Variants in USP47 observed in about 807,000 individuals in gnomAD.
The protein encoded by USP47 is ubiquitin specific peptidase 47.
Under a neutral mutation model 165.1 loss-of-function variants are expected in USP47, and 35 were observed. The observed-to-expected ratio is 0.21, with a 90% CI of 0.16 to 0.28. The LOEUF (loss-of-function observed/expected upper bound fraction) is 0.28. USP47 is among the 10% of genes least tolerant of loss of function. The probability of loss-of-function intolerance (pLI) is 1.00; values close to 1 mark genes in which losing one functional copy is unlikely to be tolerated. For missense variants in USP47, 1,277 were observed against 1,607.4 expected, an observed-to-expected ratio of 0.79 and a Z score of 3.52; for synonymous variants, 531 against 544.5, an observed-to-expected ratio of 0.98 and a Z score of 0.35.
intron 1 of USP47, chr11:11,878,489 T>C (rs1850623018): frequency 6.6e-6 from 1 of 152,192 alleles, no homozygotes; most frequent in South Asian, 2.1e-4. Flanking sequence ...TTTTATGTTT[T>C]TTAGTTTAGG....
At position 11,930,770 on chromosome 11, in the gene USP47, A is replaced by AT. The variant is rs1290539560; in HGVS notation, c.1651+22dup. 1 of 1,591,096 alleles carries AT rather than the reference A, an allele frequency of 6.3e-7. No individual in the cohort carries two copies. The highest frequency in any genetic ancestry group is 1.4e-5 in the African/African-American group (1 of 73,790). ...AATGCAAGTATGTTTACCTACAGTT[A>AT]TTTGATTTTAATTTGTGTTATAAAC... On this transcript the variant is annotated intron_variant, in intron 14 of 27. Coordinates refer to ENST00000527733, the MANE Select transcript of USP47 (RefSeq NM_001282659.2).
chr11:11,860,747 G>A, intron 1 of USP47, among the ~76,000 whole-genome samples: 1 of 152,110 alleles, frequency 6.6e-6, no homozygotes. Flanking sequence ...AATAGTAAAG[G>A]ACGTATTATT....
intron 1 of USP47, among the ~76,000 whole-genome samples, chr11:11,854,134 C>CA (rs539855427): frequency 0.15 from 9,025 of 58,906 alleles, 867 homozygotes; most frequent in African/African-American, 0.28. Flanking sequence ...GACTCCGTCT[C>CA]AAAAAAAAAA....
chr11:11,861,148 A>G (rs569879291), intron 1 of USP47, among the ~76,000 whole-genome samples: 6 of 152,036 alleles, frequency 3.9e-5, no homozygotes, highest in Non-Finnish European at 7.4e-5. Context: ...AAGCTGGAGT[A>G]TAGTGACACG....
intron 1 of USP47, among the ~76,000 whole-genome samples, chr11:11,847,623 C>T (rs1429279305): frequency 1.3e-5 from 2 of 152,066 alleles, no homozygotes; most frequent in African/African-American, 4.8e-5. Flanking sequence ...TTTCCTTTTT[C>T]TCACATATAG....
At chr11:11,891,583 T>G (rs1851515499) in intron 3 of USP47, among the ~76,000 whole-genome samples, 1 of 152,212 alleles carries the variant, frequency 6.6e-6, no homozygotes, top group Non-Finnish European at 1.5e-5. Flanking sequence ...TGTGCTGCTT[T>G]TATGTCCCTT....
chr11:11,870,945 A>G (rs1051414144), intron 1 of USP47, among the ~76,000 whole-genome samples: 36 of 151,526 alleles, frequency 2.4e-4, no homozygotes, highest in Non-Finnish European at 2.9e-5. Flanking sequence ...ATGTTTGTTT[A>G]TTTCCAGTGG....
intron 20 of USP47, among the ~76,000 whole-genome samples, chr11:11,944,060 G>A (rs1231122238): frequency 2.0e-5 from 3 of 151,394 alleles, no homozygotes; most frequent in African/African-American, 4.9e-5. Context: ...GCTAGTAAAT[G>A]GGACCATTAC....
intron 3 of USP47, among the ~76,000 whole-genome samples, chr11:11,885,195 G>T (rs1423723615): frequency 3.3e-5 from 5 of 151,446 alleles, no homozygotes; most frequent in African/African-American, 9.7e-5. Flanking sequence ...TTTTCTCTCA[G>T]TGCGTTGTAG....
Position 11,936,443 on chromosome 11 carries a change from A to C in USP47, c.2010A>C (p.Thr670=), listed in dbSNP as rs763936873. The C allele has an allele frequency of 1.4e-5, 23 of 1,609,588 alleles. No homozygotes were observed. The Middle Eastern group carries it at 5.0e-4, about 35-fold the overall frequency. The change falls in exon 17 of 28, where the codon ACA becomes ACC. Residue 670 remains threonine, a synonymous_variant. Transcript: ENST00000527733. The stretch of plus-strand genomic sequence containing the variant: ...TTCTACTAGGTGGCGTCAAGTCAAC[A>C]TATATGTTTGATCTGCTGTTGGAGA... The part of the protein sequence containing the change: ...MGLLLGGVKS[T]YMFDLLLETR...
chr11:11,950,044 CTA>C (rs762389732), intron 23 of USP47, 40 bp downstream of exon 23: 12 of 1,435,408 alleles, frequency 8.4e-6, no homozygotes, highest in East Asian at 4.6e-5. Flanking sequence ...TGAAGAAAGA[CTA>C]TGTGGTCAGT....
Position 11,952,736 on chromosome 11 carries a change from C to A in USP47, c.3584-5C>A. ...GAATGATGACCTAATCTTGCATATT[C>A]TTAGGGGTAGAGAAGATGAAGTCCA... On this transcript the variant is annotated splice_region_variant and splice_polypyrimidine_tract_variant and intron_variant, in intron 24 of 27. Coordinates refer to ENST00000527733, the MANE Select transcript of USP47 (RefSeq NM_001282659.2). The A allele has an allele frequency of 6.3e-7, 1 of 1,588,780 alleles. No individual in the cohort carries two copies. Among genetic ancestry groups the A allele is most frequent in the Non-Finnish European group, 8.6e-7 (1 of 1,167,628 alleles).
At chr11:11,853,982 A>T (rs536055690) in intron 1 of USP47, among the ~76,000 whole-genome samples, 93 of 151,970 alleles carry the variant, frequency 6.1e-4, no homozygotes, top group South Asian at 1.0e-3. Flanking sequence ...TAAAATAAAA[A>T]AAATTAGCCG....
chr11:11,862,703 C>A (rs576258932), intron 1 of USP47, among the ~76,000 whole-genome samples: 99 of 152,032 alleles, frequency 6.5e-4, no homozygotes, highest in Non-Finnish European at 5.7e-4. Context: ...TTTGTATAAA[C>A]GTATGGGATA....
intron 1 of USP47, chr11:11,873,815 T>C (rs1000337869): frequency 6.7e-6 from 10 of 1,490,306 alleles, no homozygotes; most frequent in Admixed American, 2.2e-5. Flanking sequence ...GTTTTGGAGA[T>C]GCAGACAAAA....
At chr11:11,942,260 A>T in intron 19 of USP47, 75 bp from the exon 20 acceptor site, 1 of 1,425,668 alleles carries the variant, frequency 7.0e-7, no homozygotes, top group Non-Finnish European at 9.5e-7. Context: ...TGTTGTATTG[A>T]TGCAATATAA....
chr11:11,929,912 T>C (rs1179179122), intron 12 of USP47, 132 bp from the exon 13 acceptor site: 9 of 743,612 alleles, frequency 1.2e-5, no homozygotes, highest in South Asian at 1.8e-5. Context: ...ATTTTGTGAA[T>C]TGGTAGCTGT....
chr11:11,863,050 T>G (rs753440265), intron 1 of USP47, among the ~76,000 whole-genome samples: 14 of 152,114 alleles, frequency 9.2e-5, no homozygotes, highest in Non-Finnish European at 1.6e-4. Context: ...GGGAATGGAG[T>G]TGAAGATAAA....
chr11:11,865,842 A>G (rs554818755), intron 1 of USP47, among the ~76,000 whole-genome samples: 1 of 152,042 alleles, frequency 6.6e-6, no homozygotes, highest in Non-Finnish European at 1.5e-5. Context: ...GAAATGTTTA[A>G]GTTCTTTGTC....
Sources: gnomAD v4.1 joint callset for allele counts (sites outside exome capture counted in the v4.1 genomes callset) on GRCh38, gnomAD v4.1.1 for gene constraint, MANE v1.5 for transcripts, NCBI Gene and HGNC (gene_info 2026-07-23, HGNC 2026-07-21) for gene names.